SLC4A1AP: variants seen among roughly 807,000 people sequenced by gnomAD.
The protein encoded by SLC4A1AP is kanadaptin.
In SLC4A1AP, 64 loss-of-function variants were observed where a neutral mutation model predicts 89.7. The ratio of observed to expected loss-of-function variants is 0.71; its 90% CI spans 0.58 to 0.88. SLC4A1AP has a LOEUF of 0.88. Among genes scored for constraint, SLC4A1AP ranks in the 40% least tolerant of loss-of-function variants. The pLI is 0.00. For missense variants in SLC4A1AP, 931 were observed against 965.0 expected (o/e 0.96, Z 0.47); for synonymous variants, 366 against 353.3 (o/e 1.04, Z -0.40).
exon 11 of SLC4A1AP, chr2:27,687,997 C>T: frequency 1.2e-6 from 2 of 1,613,954 alleles, no homozygotes; most frequent in Non-Finnish European, 1.7e-6. Flanking sequence ...AGCAAAACCA[C>T]TTCATTGTGC....
intron 2 of SLC4A1AP, among the ~76,000 whole-genome samples, chr2:27,666,246 A>G (rs150740828): frequency 0.011 from 1,597 of 151,546 alleles, 14 homozygotes; most frequent in Non-Finnish European, 0.017. Context: ...TTTCTGTTGG[A>G]CAGCACTGAC....
At chr2:27,673,805 G>A (rs1675469563) in intron 5 of SLC4A1AP, among the ~76,000 whole-genome samples, 1 of 152,080 alleles carries the variant, frequency 6.6e-6, no homozygotes, top group African/African-American at 2.4e-5. Context: ...TATTTTCCTT[G>A]CAAATAATAG....
intron 3 of SLC4A1AP, 91 bp from the exon 4 acceptor site, chr2:27,668,752 T>C: frequency 2.5e-6 from 3 of 1,218,830 alleles, no homozygotes; most frequent in Non-Finnish European, 3.6e-6. Flanking sequence ...TAGGAACTTG[T>C]TCGTATTTAA....
At chr2:27,671,997 G>A (rs1283645391) in intron 5 of SLC4A1AP, among the ~76,000 whole-genome samples, 3 of 152,198 alleles carry the variant, frequency 2.0e-5, no homozygotes, top group Admixed American at 2.0e-4. Flanking sequence ...TACATTCAGT[G>A]TTGCTTTTGA....
At chr2:27,668,638 T>C in intron 3 of SLC4A1AP, 1 of 689,942 alleles carries the variant, frequency 1.4e-6, no homozygotes, top group Non-Finnish European at 2.6e-6. Flanking sequence ...TTTGTACAGA[T>C]GGGGTTTTGC....
At chr2:27,663,944 C>G in exon 1 of SLC4A1AP, 1 of 1,614,194 alleles carries the variant, frequency 6.2e-7, no homozygotes. Context: ...AGTCAGAGAC[C>G]CTGGCGTCGC....
chr2:27,667,860 G>A (rs1462811917), intron 3 of SLC4A1AP, among the ~76,000 whole-genome samples: 3 of 151,244 alleles, frequency 2.0e-5, no homozygotes, highest in Non-Finnish European at 4.4e-5. Flanking sequence ...ATGTATATCT[G>A]TATATATTTT....
chr2:27,670,874 T>C (rs1011091195), intron 5 of SLC4A1AP, among the ~76,000 whole-genome samples: 8 of 150,516 alleles, frequency 5.3e-5, no homozygotes, highest in Non-Finnish European at 1.0e-4. Context: ...AATAAATAAT[T>C]AATTAAATTT....
intron 5 of SLC4A1AP, among the ~76,000 whole-genome samples, chr2:27,672,819 C>T (rs150033860): frequency 6.6e-5 from 10 of 152,330 alleles, no homozygotes; most frequent in African/African-American, 2.2e-4. Flanking sequence ...TTTTCCTCGT[C>T]TGTGAGCGAG....
At chr2:27,665,053 C>A (rs371553574) in intron 1 of SLC4A1AP, 47 bp from the exon 2 acceptor site, 1 of 1,502,510 alleles carries the variant, frequency 6.7e-7, no homozygotes, top group South Asian at 1.2e-5. Flanking sequence ...CAGAGCAAGA[C>A]CCTGTCTCTA....
At chr2:27,668,218 G>A (rs1033258519) in intron 3 of SLC4A1AP, among the ~76,000 whole-genome samples, 2 of 151,466 alleles carry the variant, frequency 1.3e-5, no homozygotes, top group Non-Finnish European at 2.9e-5. Context: ...GTGCGATCTC[G>A]CCTCACTGCA....
At chr2:27,676,407 T>C (rs2148134940) in intron 6 of SLC4A1AP, among the ~76,000 whole-genome samples, 1 of 152,370 alleles carries the variant, frequency 6.6e-6, no homozygotes, top group Non-Finnish European at 1.5e-5. Flanking sequence ...TTTTGATTTA[T>C]GTGAAAACAA....
chr2:27,688,913 T>G, intron 12 of SLC4A1AP, 146 bp downstream of exon 12: 1 of 559,400 alleles, frequency 1.8e-6, no homozygotes, highest in East Asian at 3.2e-5. Context: ...TGATTTTTGT[T>G]TTTGAATTTT....
At chr2:27,669,386 A>G (rs1414357294) in exon 5 of SLC4A1AP, 2 of 1,606,442 alleles carry the variant, frequency 1.2e-6, no homozygotes, top group Admixed American at 1.7e-5. Flanking sequence ...GGCAGGAAGC[A>G]GGTCAGTATA....
intron 6 of SLC4A1AP, 36 bp downstream of exon 6, chr2:27,675,728 A>C (rs900312693): frequency 1.4e-6 from 2 of 1,422,518 alleles, no homozygotes; most frequent in African/African-American, 2.9e-5. Context: ...GTGGTATTTA[A>C]TAGTTTAATT....
At chr2:27,678,437 G>A (rs909588745) in intron 8 of SLC4A1AP, among the ~76,000 whole-genome samples, 1 of 152,024 alleles carries the variant, frequency 6.6e-6, no homozygotes, top group Non-Finnish European at 1.5e-5. Context: ...GGAAGCCGAG[G>A]TAGGAGGATC....
At chr2:27,683,599 T>C (rs1173531170) in intron 9 of SLC4A1AP, among the ~76,000 whole-genome samples, 1 of 152,198 alleles carries the variant, frequency 6.6e-6, no homozygotes, top group East Asian at 1.9e-4. Flanking sequence ...TAATTTAATT[T>C]ACAGTCATAT....
chr2:27,688,624 C>A (rs920513211), intron 11 of SLC4A1AP, 76 bp from the exon 12 acceptor site: 4 of 921,378 alleles, frequency 4.3e-6, no homozygotes, highest in Non-Finnish European at 6.8e-6. Context: ...TTGTAATGTT[C>A]TTTTAGGAAG....
chr2:27,675,582 A>G lies in SLC4A1AP; in HGVS notation c.1396A>G (p.Ser466Gly), dbSNP rs745805411. ...CTGGGAAGATGAAGACTTTTATGAT[A>G]GTGATGATGACACATTTCTTGATAG... The change falls in exon 6 of 14, where the codon AGT becomes GGT. Residue 466 changes from serine to glycine, a missense_variant. Transcript: ENST00000613058. 42 of 1,608,902 alleles carry G rather than the reference A, an allele frequency of 2.6e-5. No individual in the cohort carries two copies. Among genetic ancestry groups the G allele is most frequent in the African/African-American group, 5.3e-5 (4 of 74,852 alleles).
Sources: gnomAD v4.1 joint callset for allele counts (sites outside exome capture counted in the v4.1 genomes callset) on GRCh38, gnomAD v4.1.1 for gene constraint, MANE v1.5 for transcripts, NCBI Gene and HGNC (gene_info 2026-07-23, HGNC 2026-07-21) for gene names.